The following TBC1D5 variants were observed in gnomAD, a reference collection of about 807,000 sequenced individuals.
The protein encoded by TBC1D5 is TBC1 domain family member 5.
Under a neutral mutation model 100.3 loss-of-function variants are expected in TBC1D5, and 75 were observed. The ratio of observed to expected loss-of-function variants is 0.75; its 90% confidence interval spans 0.62 to 0.91. The LOEUF (loss-of-function observed/expected upper bound fraction) is 0.91, where lower values mean the gene tolerates loss of function less well. Ranked by LOEUF, TBC1D5 falls within the 40% of genes least tolerant of loss-of-function variation. The pLI is 0.00. For synonymous variants in TBC1D5, 323 were observed against 325.6 expected, an observed-to-expected ratio of 0.99 and a Z score of 0.09; for missense variants, 910 against 942.4, an observed-to-expected ratio of 0.97 and a Z score of 0.45.
chr3:17,159,849 C>G (rs1225208076), exon 22 of TBC1D5: 3 of 152,232 alleles, frequency 2.0e-5, no homozygotes, highest in African/African-American at 7.2e-5. Flanking sequence ...ATCCTGCATC[C>G]TCTTGGCATG....
intron 8 of TBC1D5, among the ~76,000 whole-genome samples, chr3:17,397,151 AT>A (rs887510021): frequency 2.6e-5 from 4 of 151,688 alleles, no homozygotes; most frequent in Non-Finnish European, 4.4e-5. Context: ...AATTTAAAGA[AT>A]TTTTTTTTAC....
intron 4 of TBC1D5, among the ~76,000 whole-genome samples, chr3:17,414,564 A>G (rs2094016312): frequency 6.6e-6 from 1 of 152,208 alleles, no homozygotes; most frequent in African/African-American, 2.4e-5. Flanking sequence ...AAATCAATGG[A>G]AATATGAAAA....
intron 2 of TBC1D5, among the ~76,000 whole-genome samples, chr3:17,617,195 A>G (rs1403083537): frequency 2.0e-5 from 3 of 152,144 alleles, no homozygotes; most frequent in South Asian, 2.1e-4. Context: ...TTCTTTAAGA[A>G]TGTTGAATAT....
intron 13 of TBC1D5, among the ~76,000 whole-genome samples, chr3:17,310,057 T>C (rs570251427): frequency 6.6e-6 from 1 of 152,080 alleles, no homozygotes; most frequent in Non-Finnish European, 1.5e-5. Flanking sequence ...ACATCTTAGA[T>C]TTCATCACAG....
intron 1 of TBC1D5, among the ~76,000 whole-genome samples, chr3:17,638,138 T>G (rs990567501): frequency 1.3e-5 from 2 of 152,136 alleles, no homozygotes; most frequent in Admixed American, 1.3e-4. Flanking sequence ...CTCATGCATC[T>G]TATTTTTTAA....
At chr3:17,283,358 C>G (rs181778116) in intron 15 of TBC1D5, among the ~76,000 whole-genome samples, 17 of 152,124 alleles carry the variant, frequency 1.1e-4, no homozygotes, top group Non-Finnish European at 2.4e-4. Flanking sequence ...GTACCTGATG[C>G]AGTGAAGCTC....
intron 1 of TBC1D5, among the ~76,000 whole-genome samples, chr3:17,629,678 C>T (rs1485394682): frequency 6.6e-6 from 1 of 152,144 alleles, no homozygotes; most frequent in African/African-American, 2.4e-5. Context: ...TATTACAAAA[C>T]ATGTGGCACC....
intron 1 of TBC1D5, among the ~76,000 whole-genome samples, chr3:17,671,074 G>A (rs1185900333): frequency 2.6e-5 from 4 of 152,212 alleles, no homozygotes; most frequent in Admixed American, 6.5e-5. Flanking sequence ...TACCAACTCC[G>A]TATCTTCCAA....
At chr3:17,225,014 C>T (rs1008102459) in intron 17 of TBC1D5, among the ~76,000 whole-genome samples, 1 of 152,132 alleles carries the variant, frequency 6.6e-6, no homozygotes, top group African/African-American at 2.4e-5. Context: ...TCTGGGAACA[C>T]AAACATTCAG....
chr3:17,479,434 A>G (rs2095475580), intron 3 of TBC1D5, among the ~76,000 whole-genome samples: 1 of 152,208 alleles, frequency 6.6e-6, no homozygotes, highest in Non-Finnish European at 1.5e-5. Context: ...TTCAAACAAT[A>G]TATCAAGGTG....
At position 17,258,593 on chromosome 3, in the gene TBC1D5, T is replaced by G. The variant is rs755230788; in HGVS notation, c.1246-2A>C. 4.4e-6 allele frequency: 7 copies of G among 1,578,384 alleles called. No homozygotes were observed. The highest frequency in any genetic ancestry group is 6.1e-6 in the Non-Finnish European group (7 of 1,155,118). ...ATAAGTCACTGGTCTTGGATTTCTC[T>G]AAAAAAAAATACATTTTTAAAAAGC... On this transcript the variant is annotated splice_acceptor_variant, in intron 15 of 21. Transcript: ENST00000253692. LOFTEE classifies it high-confidence loss of function.
chr3:17,315,829 T>A (rs1272101736), intron 13 of TBC1D5, among the ~76,000 whole-genome samples: 4 of 152,028 alleles, frequency 2.6e-5, no homozygotes, highest in Non-Finnish European at 5.9e-5. Context: ...AGGGGAAAGA[T>A]AAAGCTTTAC....
rs554528639 is a variant in TBC1D5, at chr3:17,698,335, G to A, written c.-101+41008C>T. ...TCAATGGTGCTGGGAAAACTGGCTA[G>A]CCATATGGAGAAAGCTGAAACTGGA... On this transcript the variant is annotated intron_variant, in intron 1 of 21. Transcript: ENST00000253692. Among the ~76,000 whole-genome samples, 7 of 152,070 alleles carry A rather than the reference G, an allele frequency of 4.6e-5. No individual in the cohort carries two copies. The East Asian group carries it at 1.4e-3, about 29-fold the overall frequency.
intron 2 of TBC1D5, among the ~76,000 whole-genome samples, chr3:17,587,773 T>A (rs2096741601): frequency 6.6e-6 from 1 of 151,990 alleles, no homozygotes; most frequent in Non-Finnish European, 1.5e-5. Context: ...CCTTGCAGAG[T>A]GCTATATTCA....
chr3:17,238,931 A>G (rs1418689428), intron 16 of TBC1D5, among the ~76,000 whole-genome samples: 3 of 152,152 alleles, frequency 2.0e-5, no homozygotes, highest in Admixed American at 6.5e-5. Context: ...TTGAAAATAT[A>G]TATGTCTGAC....
chr3:17,716,627 A>T (rs987820613), intron 1 of TBC1D5, among the ~76,000 whole-genome samples: 1 of 152,202 alleles, frequency 6.6e-6, no homozygotes, highest in African/African-American at 2.4e-5. Context: ...CACCTTAAAC[A>T]TAAGGAATAA....
rs565055015 is a variant in TBC1D5, at chr3:17,223,926, AAAAC to A, written c.1589-9560_1589-9557del. The stretch of plus-strand genomic sequence containing the variant: ...AAAACAAAACAAAACAAAACAAAAC[AAAAC>A]AAACAAACAAAGAAAAAAAGACTAT... On this transcript the variant is annotated intron_variant, in intron 17 of 21. Transcript: ENST00000253692. Among the ~76,000 whole-genome samples, 61 of 141,562 alleles carry A rather than the reference AAAAC, an allele frequency of 4.3e-4. No individual in the cohort carries two copies. The East Asian group carries it at 7.9e-3, about 18-fold the overall frequency. The allele number at this position is 141,562 out of a possible 152,430, so 92.9% of individuals were successfully genotyped here. A position where few individuals can be genotyped will look rare whatever the true frequency, so the allele number is the denominator to read the frequency against.
At chr3:17,296,781 T>C (rs1003839931) in intron 14 of TBC1D5, among the ~76,000 whole-genome samples, 8 of 152,232 alleles carry the variant, frequency 5.3e-5, no homozygotes, top group Non-Finnish European at 1.0e-4. Context: ...CACATACTCT[T>C]ATGTAAACAC....
At chr3:17,583,554 C>T (rs138719334) in intron 2 of TBC1D5, among the ~76,000 whole-genome samples, 2 of 152,168 alleles carry the variant, frequency 1.3e-5, no homozygotes, top group East Asian at 1.9e-4. Flanking sequence ...GGAAAAACCC[C>T]GTCTCTACTA....
Sources: allele counts gnomAD v4.1 joint callset (sites outside exome capture counted in the v4.1 genomes callset), GRCh38; gene constraint gnomAD v4.1.1; transcripts MANE v1.5; gene names NCBI Gene and HGNC (gene_info 2026-07-23, HGNC 2026-07-21).